The following DLG2 variants were observed in gnomAD, a reference collection of about 807,000 sequenced individuals.
DLG2 encodes disks large homolog 2.
In DLG2, 45 loss-of-function variants were observed where a neutral mutation model predicts 132.5. The ratio of observed to expected loss-of-function variants is 0.34; its 90% confidence interval spans 0.27 to 0.44. The LOEUF (loss-of-function observed/expected upper bound fraction) is 0.44, where lower values mean the gene tolerates loss of function less well. Among genes scored for constraint, DLG2 ranks in the 20% least tolerant of loss-of-function variants. The probability of loss-of-function intolerance (pLI) is 1.00; values close to 1 mark genes in which losing one functional copy is unlikely to be tolerated. For missense variants in DLG2, 1,045 were observed against 1,196.9 expected, an observed-to-expected ratio of 0.87 and a Z score of 1.87; for synonymous variants, 424 against 419.6, an observed-to-expected ratio of 1.01 and a Z score of -0.13.
At chr11:84,708,629 C>T (rs925573120) in intron 6 of DLG2, among the ~76,000 whole-genome samples, 4 of 151,680 alleles carry the variant, frequency 2.6e-5, no homozygotes, top group Non-Finnish European at 4.4e-5. Flanking sequence ...AACAGGCATC[C>T]GGTTTCTACA....
At chr11:83,639,353 GT>G (rs1467794774) in intron 18 of DLG2, among the ~76,000 whole-genome samples, 1 of 152,278 alleles carries the variant, frequency 6.6e-6, no homozygotes, top group Non-Finnish European at 1.5e-5. Context: ...TGGTGTATAT[GT>G]GCCACATTTT....
chr11:84,937,051 C>T (rs2154094759), intron 6 of DLG2, among the ~76,000 whole-genome samples: 1 of 152,210 alleles, frequency 6.6e-6, no homozygotes, highest in East Asian at 1.9e-4. Flanking sequence ...ATTCAGGAGG[C>T]TAAGGCAGGA....
chr11:83,969,093 G>C (rs1195814739), intron 12 of DLG2, among the ~76,000 whole-genome samples: 1 of 152,126 alleles, frequency 6.6e-6, no homozygotes, highest in African/African-American at 2.4e-5. Context: ...CCAGGAAGTA[G>C]ATACTATTAA....
At chr11:84,763,593 C>T (rs529612312) in intron 6 of DLG2, among the ~76,000 whole-genome samples, 8 of 152,210 alleles carry the variant, frequency 5.3e-5, no homozygotes, top group African/African-American at 1.7e-4. Flanking sequence ...CTCATTTTTT[C>T]TATCTGGGGT....
At chr11:85,028,629 G>A (rs965742270) in intron 6 of DLG2, among the ~76,000 whole-genome samples, 7 of 152,184 alleles carry the variant, frequency 4.6e-5, no homozygotes, top group Non-Finnish European at 7.4e-5. Flanking sequence ...CAGCTGGGTC[G>A]CGACAGTGCC....
chr11:83,909,644 T>G (rs2154109534), intron 15 of DLG2, among the ~76,000 whole-genome samples: 1 of 152,292 alleles, frequency 6.6e-6, no homozygotes, highest in Non-Finnish European at 1.5e-5. Flanking sequence ...CCATTTCAAA[T>G]TTTAAATTTA....
chr11:85,559,314 C>A (rs1694327475), intron 3 of DLG2, among the ~76,000 whole-genome samples: 1 of 151,056 alleles, frequency 6.6e-6, no homozygotes, highest in Admixed American at 6.6e-5. Context: ...CCACACCCAG[C>A]TAATTTTTAT....
At position 84,059,289 on chromosome 11, in the gene DLG2, C is replaced by T. The variant is rs770496483; in HGVS notation, c.919+26G>A. The T allele has an allele frequency of 2.5e-6, 4 of 1,609,504 alleles. No homozygotes were observed. In the South Asian group the frequency reaches 4.4e-5, roughly 18 times the overall value. ...CAGTCAGATGGTTTGTCACTAGTGT[C>T]TGTGAGTCATTTATATTTTGATTAC... On this transcript the variant is annotated intron_variant, in intron 11 of 27. Coordinates refer to ENST00000376104, the MANE Select transcript of DLG2 (RefSeq NM_001142699.3).
At position 84,478,127 on chromosome 11, in the gene DLG2, T is replaced by C. The variant is rs548884757; in HGVS notation, c.519+56443A>G. On this transcript the variant is annotated intron_variant, in intron 7 of 27. Transcript: ENST00000376104. ...GTACTTAATAAAAGAGGTTAATAGA[T>C]GCACACTGTTAACAGTGCATTGTTC... Among the ~76,000 whole-genome samples the C allele has an allele frequency of 1.2e-4, 18 of 152,296 alleles. No individual in the cohort carries two copies. The South Asian group carries it at 3.7e-3, about 32-fold the overall frequency.
intron 10 of DLG2, among the ~76,000 whole-genome samples, chr11:84,064,115 G>A (rs1378186936): frequency 1.3e-5 from 2 of 151,218 alleles, no homozygotes; most frequent in Non-Finnish European, 3.0e-5. Context: ...AGTATAATAA[G>A]AATATATATA....
At chr11:84,850,320 G>A (rs752891484) in intron 6 of DLG2, among the ~76,000 whole-genome samples, 1 of 152,116 alleles carries the variant, frequency 6.6e-6, no homozygotes, top group Non-Finnish European at 1.5e-5. Flanking sequence ...CTTAGAGGAG[G>A]AAGAGTCTGA....
chr11:84,752,469 A>AT (rs1336240504), intron 6 of DLG2, among the ~76,000 whole-genome samples: 4 of 151,564 alleles, frequency 2.6e-5, no homozygotes, highest in Admixed American at 6.6e-5. Flanking sequence ...GGACTATTTT[A>AT]TTTTATTATT....
chr11:84,948,388 G>T (rs571137485), intron 6 of DLG2, among the ~76,000 whole-genome samples: 1 of 152,270 alleles, frequency 6.6e-6, no homozygotes, highest in Admixed American at 6.5e-5. Context: ...CCAGAGATAA[G>T]CCCTGATGGC....
At chr11:84,447,587 T>C (rs1040878644) in intron 7 of DLG2, among the ~76,000 whole-genome samples, 20 of 152,268 alleles carry the variant, frequency 1.3e-4, no homozygotes, top group African/African-American at 3.8e-4. Context: ...CAGGTTCCCA[T>C]GTGTCTCTTT....
chr11:83,864,808 A>T (rs1338169276), intron 16 of DLG2, among the ~76,000 whole-genome samples: 1 of 142,832 alleles, frequency 7.0e-6, no homozygotes, highest in African/African-American at 2.5e-5. Flanking sequence ...GGATTGAAAT[A>T]TATGCAGAAA....
In DLG2 at chr11:85,348,401, T is replaced by C. The variant is rs565401577; in HGVS notation, c.41-63036A>G. On this transcript the variant is annotated intron_variant, in intron 3 of 27. Coordinates refer to ENST00000376104, the MANE Select transcript of DLG2 (RefSeq NM_001142699.3). ...CCAAGCCCAGCTAATTTTTGTACTT[T>C]CTTAGTAGAGACAGGGTTTCATCAT... 2.6e-5 allele frequency among the ~76,000 whole-genome samples: 4 copies of C among 151,774 alleles called. No individual in the cohort carries two copies. The East Asian group carries it at 5.8e-4, about 22-fold the overall frequency.
At chr11:84,085,215 C>T (rs193141200) in intron 10 of DLG2, among the ~76,000 whole-genome samples, 1 of 152,274 alleles carries the variant, frequency 6.6e-6, no homozygotes, top group East Asian at 1.9e-4. Context: ...TTTAAGATTA[C>T]CATTGAATTC....
Position 83,515,818 on chromosome 11 carries a change from A to G in DLG2, c.2193+16890T>C, listed in dbSNP as rs1306814169. On this transcript the variant is annotated intron_variant, in intron 21 of 27. Coordinates refer to ENST00000376104, the MANE Select transcript of DLG2 (RefSeq NM_001142699.3). ...TTCAGGAGCAGGTTGTTCAGTTTCC[A>G]TGTAGTTGAGCGATTTTTGAGTGAG... is the stretch of plus-strand genomic sequence containing the variant. 2.6e-5 allele frequency among the ~76,000 whole-genome samples: 4 copies of G among 152,304 alleles called. No homozygotes were observed. In the East Asian group the frequency reaches 7.7e-4, roughly 29 times the overall value.
chr11:84,064,545 T>C (rs1427927823), intron 10 of DLG2, among the ~76,000 whole-genome samples: 2 of 152,162 alleles, frequency 1.3e-5, no homozygotes, highest in African/African-American at 4.8e-5. Context: ...ATAGGGATAA[T>C]GAGATTGTTA....
Sources: allele counts gnomAD v4.1 joint callset (sites outside exome capture counted in the v4.1 genomes callset), GRCh38; gene constraint gnomAD v4.1.1; transcripts MANE v1.5; gene names NCBI Gene and HGNC (gene_info 2026-07-23, HGNC 2026-07-21).